The following CCDC171 variants were observed in gnomAD, a reference collection of about 807,000 sequenced individuals.
CCDC171 encodes coiled-coil domain-containing protein 171.
In CCDC171, 177 loss-of-function variants were observed where a neutral mutation model predicts 168.2. The ratio of observed to expected loss-of-function variants is 1.05; its 90% CI spans 0.93 to 1.19. The LOEUF is 1.19. CCDC171 is among the 50% of genes most tolerant of loss of function. The pLI is 0.00. For missense variants in CCDC171, 1,991 were observed against 1,539.0 expected (o/e 1.29, Z -4.91); for synonymous variants, 687 against 540.8 (o/e 1.27, Z -3.75).
intron 6 of CCDC171, among the ~76,000 whole-genome samples, chr9:16,024,968 T>A (rs941289975): frequency 1.3e-5 from 2 of 152,168 alleles, no homozygotes; most frequent in African/African-American, 4.8e-5. Context: ...CATGGGACTT[T>A]CCATTTTAAA....
intron 2 of CCDC171, among the ~76,000 whole-genome samples, chr9:15,567,436 C>G (rs898936612): frequency 1.9e-4 from 29 of 152,168 alleles, no homozygotes; most frequent in African/African-American, 5.8e-4. Flanking sequence ...TTTGTCTTTC[C>G]ATATGAATTT....
At chr9:15,900,711 C>T (rs1891211) in intron 24 of CCDC171, among the ~76,000 whole-genome samples, 1 of 151,968 alleles carries the variant, frequency 6.6e-6, no homozygotes, top group African/African-American at 2.4e-5. Flanking sequence ...GAGCTTACAT[C>T]TGGGTGTGAG....
Position 15,678,610 on chromosome 9 carries a change from C to G in CCDC171, c.1077-148C>G, listed in dbSNP as rs1182831957. ...GTTTTTCATTTAAGAATATTCAGTA[C>G]TTTTTGTTTGAAAAAGGAGTTAGCC... is the stretch of plus-strand genomic sequence containing the variant. On this transcript the variant is annotated intron_variant, in intron 9 of 25. Coordinates refer to ENST00000380701, the MANE Select transcript of CCDC171 (RefSeq NM_173550.4). 10 of 539,476 alleles carry G rather than the reference C, an allele frequency of 1.9e-5. No homozygotes were observed. In the Admixed American group the frequency reaches 2.6e-4, roughly 14 times the overall value. The allele number at this position is 539,476 out of a possible 1,614,324, so 33.4% of individuals were successfully genotyped here.
At chr9:16,027,190 T>G (rs2133034583) in intron 6 of CCDC171, among the ~76,000 whole-genome samples, 1 of 152,356 alleles carries the variant, frequency 6.6e-6, no homozygotes, top group Non-Finnish European at 1.5e-5. Context: ...CTTATTATCT[T>G]TTCTCTGGGC....
At chr9:15,749,637 G>A (rs1165816578) in intron 18 of CCDC171, among the ~76,000 whole-genome samples, 1 of 152,170 alleles carries the variant, frequency 6.6e-6, no homozygotes, top group South Asian at 2.1e-4. Context: ...AGACCACACT[G>A]CAATCAAACT....
chr9:15,644,502 G>A (rs2046881573), intron 7 of CCDC171, among the ~76,000 whole-genome samples: 1 of 152,218 alleles, frequency 6.6e-6, no homozygotes, highest in African/African-American at 2.4e-5. Flanking sequence ...GCTAAGGGAA[G>A]CTGTGACAGA....
At chr9:15,741,743 A>G (rs1038659958) in intron 16 of CCDC171, among the ~76,000 whole-genome samples, 2 of 152,066 alleles carry the variant, frequency 1.3e-5, no homozygotes, top group African/African-American at 2.4e-5. Flanking sequence ...TTCTTTGCCA[A>G]TTCTTATGTC....
intron 3 of CCDC171, among the ~76,000 whole-genome samples, chr9:15,985,598 G>A (rs911920657): frequency 2.0e-5 from 3 of 152,160 alleles, no homozygotes; most frequent in African/African-American, 7.2e-5. Context: ...AAATTAGGCA[G>A]CAATGGAATG....
intron 3 of CCDC171, among the ~76,000 whole-genome samples, chr9:15,994,611 T>C (rs1589307202): frequency 6.6e-6 from 1 of 152,144 alleles, no homozygotes; most frequent in African/African-American, 2.4e-5. Context: ...TTAGATTTTA[T>C]AAATGGACAC....
At chr9:15,990,339 A>G (rs1247261570) in intron 3 of CCDC171, among the ~76,000 whole-genome samples, 1 of 152,192 alleles carries the variant, frequency 6.6e-6, no homozygotes, top group Non-Finnish European at 1.5e-5. Context: ...TTCATAAGCG[A>G]AGGAGAAATA....
intron 7 of CCDC171, among the ~76,000 whole-genome samples, chr9:15,635,389 T>A (rs1435351825): frequency 1.3e-5 from 2 of 152,172 alleles, no homozygotes; most frequent in Non-Finnish European, 2.9e-5. Flanking sequence ...TATATATATA[T>A]AAATCACAGT....
chr9:15,799,620 T>TCC (rs2058724386), intron 21 of CCDC171, among the ~76,000 whole-genome samples: 1 of 152,100 alleles, frequency 6.6e-6, no homozygotes, highest in South Asian at 2.1e-4. Flanking sequence ...TTGCGAACAA[T>TCC]CCAATTATAC....
intron 3 of CCDC171, among the ~76,000 whole-genome samples, chr9:16,000,487 C>A (rs1166832146): frequency 6.6e-6 from 1 of 152,062 alleles, no homozygotes; most frequent in East Asian, 1.9e-4. Flanking sequence ...TAACACTTTC[C>A]ATTTTCTAAT....
At chr9:16,082,043 C>G in the CCDC171 span, among the ~76,000 whole-genome samples, 10 of 152,168 alleles carry the variant, frequency 6.6e-5, no homozygotes, top group Admixed American at 3.3e-4. Context: ...TTTAAAATCC[C>G]TCAAAAACCT....
chr9:15,879,867 C>G lies in CCDC171; in HGVS notation c.3600+5204C>G, dbSNP rs186276451. Among the ~76,000 whole-genome samples, 44 of 152,216 alleles carry G rather than the reference C, an allele frequency of 2.9e-4. 1 individual carries two copies. The Middle Eastern group carries it at 0.014, about 47-fold the overall frequency. ...GATTGCATCAAATATTATGTGTACT[C>G]TAAGGCTTTTAATACACATTCTCCA... On this transcript the variant is annotated intron_variant, in intron 24 of 25. Transcript: ENST00000380701.
At chr9:16,020,064 G>A (rs1303490104) in intron 3 of CCDC171, among the ~76,000 whole-genome samples, 4 of 152,142 alleles carry the variant, frequency 2.6e-5, no homozygotes, top group Non-Finnish European at 4.4e-5. Context: ...CCTCTCTACT[G>A]GCTGAGCATC....
chr9:15,905,057 C>G (rs1337251863), intron 24 of CCDC171, among the ~76,000 whole-genome samples: 1 of 152,098 alleles, frequency 6.6e-6, no homozygotes, highest in Non-Finnish European at 1.5e-5. Context: ...ACTTAGACTC[C>G]CACACAATAA....
In CCDC171 at chr9:15,652,356, G is replaced by A. The variant is rs369110660; in HGVS notation, c.823-4771G>A. Among the ~76,000 whole-genome samples the A allele has an allele frequency of 7.4e-4, 113 of 151,930 alleles. 1 individual carries two copies. The highest frequency in any genetic ancestry group is 2.5e-3 in the African/African-American group (104 of 41,364). On this transcript the variant is annotated intron_variant, in intron 7 of 25. Coordinates refer to ENST00000380701, the MANE Select transcript of CCDC171 (RefSeq NM_173550.4). ...AAATAAATTGACCACCCATTCATGA[G>A]TTTATTTCTGGACTGTCAGTTCCTT...
chr9:15,552,976 C>CT (rs2038458054), upstream of CCDC171: 1 of 152,662 alleles, frequency 6.6e-6, no homozygotes, highest in Non-Finnish European at 1.5e-5. Context: ...TATCCAGGAG[C>CT]TGCAAGCTGA....
Sources: gnomAD v4.1 joint callset for allele counts (sites outside exome capture counted in the v4.1 genomes callset) on GRCh38, gnomAD v4.1.1 for gene constraint, MANE v1.5 for transcripts, NCBI Gene and HGNC (gene_info 2026-07-23, HGNC 2026-07-21) for gene names.